The following SHE variants were observed in gnomAD, a reference collection of about 807,000 sequenced individuals.
SHE encodes SH2 domain-containing adapter protein E.
In SHE, 11 loss-of-function variants were observed where a neutral mutation model predicts 49.8. The ratio of observed to expected loss-of-function variants is 0.22; its 90% CI spans 0.14 to 0.37. SHE has a LOEUF of 0.37. Ranked by LOEUF, SHE falls within the 10% of genes least tolerant of loss-of-function variation. The pLI, the probability that SHE is intolerant of heterozygous loss-of-function variation, is 1.00. For missense variants in SHE, 624 were observed against 655.5 expected, an observed-to-expected ratio of 0.95 and a Z score of 0.52; for synonymous variants, 310 against 278.1, an observed-to-expected ratio of 1.11 and a Z score of -1.14.
chr1:154,501,441 C>G lies in SHE; in HGVS notation c.586G>C (p.Glu196Gln). The stretch of plus-strand genomic sequence containing the variant: ...AAGGGAGGCTGTATTCTTACCGTCT[C>G]TTGCTGCTTAATAATCTTGCCCTTG... ...LDKGKIIKQQ[E>Q]TVIILEDYAD... Residue 196 changes from glutamate to glutamine, a missense_variant, in exon 1 of 6, where the codon GAG becomes CAG. Transcript: ENST00000304760. The G allele has an allele frequency of 6.2e-7, 1 of 1,614,090 alleles. No individual in the cohort carries two copies. Among genetic ancestry groups the G allele is most frequent in the Non-Finnish European group, 8.5e-7 (1 of 1,179,972 alleles).
Position 154,501,426 on chromosome 1 carries a change from G to A in SHE, c.591+10C>T, listed in dbSNP as rs778323296. The A allele has an allele frequency of 3.7e-6, 6 of 1,613,322 alleles. No homozygotes were observed. Among genetic ancestry groups the A allele is most frequent in the South Asian group, 3.3e-5 (3 of 90,978 alleles). On this transcript the variant is annotated intron_variant, in intron 1 of 5. Transcript: ENST00000304760. ...ACTGAGAGGTGGTCCAAGGGAGGCT[G>A]TATTCTTACCGTCTCTTGCTGCTTA...
Position 154,481,307 on chromosome 1 carries a change from T to C in SHE, c.*2842A>G. 1.0e-6 allele frequency: 1 copy of C among 985,418 alleles called. No homozygotes were observed. The highest frequency in any genetic ancestry group is 1.2e-6 in the Non-Finnish European group (1 of 829,932). 61.0% of individuals were successfully genotyped at this position (985,418 alleles called of 1,614,324 possible). Reference sequence around the variant, plus strand: ...GCTCACTAACGCCCCCACCTCTGACTTCCCACTAATTTACTATATTTCTTC... The same window carrying C: ...GCTCACTAACGCCCCCACCTCTGACCTCCCACTAATTTACTATATTTCTTC... On this transcript the variant is annotated 3_prime_UTR_variant, in exon 6 of 6. Transcript: ENST00000304760.
intron 3 of SHE, 60 bp downstream of exon 3, chr1:154,488,991 C>T (rs1182711906): frequency 2.7e-6 from 4 of 1,502,648 alleles, no homozygotes; most frequent in Admixed American, 2.3e-5. Flanking sequence ...AAATGTGGGG[C>T]TGATGCGGTG....
In SHE at chr1:154,479,728, T is replaced by C. The variant is rs14021; in HGVS notation, c.*4421A>G. 0.15 allele frequency: 149,911 copies of C among 984,946 alleles called. 11,934 individuals are homozygous for C. Among genetic ancestry groups the C allele is most frequent in the South Asian group, 0.17 (3,651 of 21,274 alleles). The allele number at this position is 984,946 out of a possible 1,614,324, so 61.0% of individuals were successfully genotyped here. A position where few individuals can be genotyped will look rare whatever the true frequency, so the allele number is the denominator to read the frequency against. ...CCTGACAAACTGAACGGCTAAGAAC[T>C]TGACAAAATGAGACGCCTGTTTCAA... is the stretch of plus-strand genomic sequence containing the variant. On this transcript the variant is annotated 3_prime_UTR_variant, in exon 6 of 6. Transcript: ENST00000304760.
In SHE at chr1:154,483,197, C is replaced by A. The variant is rs1241918702; in HGVS notation, c.*952G>T. 15 of 985,210 alleles carry A rather than the reference C, an allele frequency of 1.5e-5. No individual in the cohort carries two copies. The Admixed American group carries it at 9.2e-4, about 61-fold the overall frequency. 61.0% of individuals were successfully genotyped at this position (985,210 alleles called of 1,614,324 possible). ...TATCTTCCTTCCTATTTATGCTTAT[C>A]TCACTGATTTGCTAAAAAATGAGAA... On this transcript the variant is annotated 3_prime_UTR_variant, in exon 6 of 6. Transcript: ENST00000304760.
chr1:154,475,415 G>C (rs1428626787), downstream of SHE, among the ~76,000 whole-genome samples: 1 of 152,108 alleles, frequency 6.6e-6, no homozygotes, highest in African/African-American at 2.4e-5. Context: ...CTGAACTCCC[G>C]ACCTCAGGTG....
Position 154,501,837 on chromosome 1 carries a change from T to TGCC in SHE, c.187_189dup (p.Gly63dup), listed in dbSNP as rs1485201463. The TGCC allele has an allele frequency of 1.2e-5, 18 of 1,544,268 alleles. No individual in the cohort carries two copies. Among genetic ancestry groups the TGCC allele is most frequent in the East Asian group, 4.9e-5 (2 of 40,980 alleles). ...CCCGCCTCCGAGTTCTTGCGCAATT[T>TGCC]GCCGCCGCCGCCCCCGGGCTTGGCC... On this transcript the variant is annotated inframe_insertion, in exon 1 of 6. Coordinates refer to ENST00000304760, the MANE Select transcript of SHE (RefSeq NM_001010846.3).
chr1:154,492,647 A>T (rs959277551), intron 2 of SHE, among the ~76,000 whole-genome samples: 1 of 152,030 alleles, frequency 6.6e-6, no homozygotes, highest in South Asian at 2.1e-4. Flanking sequence ...ACAAAAACAT[A>T]CTCTGTTCTT....
Position 154,479,520 on chromosome 1 carries a change from G to C in SHE, c.*4629C>G. ...TGTTTATTTAAAGTTACATTTCAGAGGAAACTATCTTCAGGAGGGCATGAA... is the reference window on the plus strand; with the variant it reads ...TGTTTATTTAAAGTTACATTTCAGACGAAACTATCTTCAGGAGGGCATGAA... On this transcript the variant is annotated 3_prime_UTR_variant, in exon 6 of 6. Coordinates refer to ENST00000304760, the MANE Select transcript of SHE (RefSeq NM_001010846.3). 1.0e-6 allele frequency: 1 copy of C among 985,310 alleles called. No individual in the cohort carries two copies. Among genetic ancestry groups the C allele is most frequent in the Non-Finnish European group, 1.2e-6 (1 of 829,860 alleles). The allele number at this position is 985,310 out of a possible 1,614,324, so 61.0% of individuals were successfully genotyped here.
downstream of SHE, among the ~76,000 whole-genome samples, chr1:154,474,995 G>A (rs934054433): frequency 2.0e-5 from 3 of 152,164 alleles, no homozygotes; most frequent in Admixed American, 6.5e-5. Flanking sequence ...CAGTATGCCT[G>A]GTCAGCCACA....
Position 154,486,071 on chromosome 1 carries a change from T to C in SHE, c.1182-9A>G. 1 of 1,608,782 alleles carries C rather than the reference T, an allele frequency of 6.2e-7. No individual in the cohort carries two copies. Among genetic ancestry groups the C allele is most frequent in the Non-Finnish European group, 8.5e-7 (1 of 1,175,902 alleles). ...TGGCACCATGATACCAGCTGAAAAA[T>C]GGGGGTGGAAGAGGGGAAAGCACCA... On this transcript the variant is annotated splice_polypyrimidine_tract_variant and intron_variant, in intron 4 of 5. Transcript: ENST00000304760.
Position 154,486,700 on chromosome 1 carries a change from A to G in SHE, c.1025-17T>C, listed in dbSNP as rs201410104. On this transcript the variant is annotated splice_polypyrimidine_tract_variant and intron_variant, in intron 3 of 5. Transcript: ENST00000304760. ...CAAACTGGACTGGAAGGAAGACTCCATTTAACATCACAGGCCACTGCGGTG... is the reference window on the plus strand; with the variant it reads ...CAAACTGGACTGGAAGGAAGACTCCGTTTAACATCACAGGCCACTGCGGTG... The G allele has an allele frequency of 8.6e-4, 1,392 of 1,613,496 alleles. 2 individuals carry two copies. The highest frequency in any genetic ancestry group is 1.0e-3 in the Non-Finnish European group (1,235 of 1,179,962).
intron 5 of SHE, 40 bp from the exon 6 acceptor site, chr1:154,484,375 A>G: frequency 1.9e-6 from 3 of 1,562,744 alleles, no homozygotes; most frequent in Non-Finnish European, 2.6e-6. Context: ...ATGAGTGGGC[A>G]GAGGATCCCT....
Position 154,483,120 on chromosome 1 carries a change from T to G in SHE, c.*1029A>C. 1 of 985,052 alleles carries G rather than the reference T, an allele frequency of 1.0e-6. No individual in the cohort carries two copies. The highest frequency in any genetic ancestry group is 1.2e-6 in the Non-Finnish European group (1 of 829,564). 61.0% of individuals were successfully genotyped at this position (985,052 alleles called of 1,614,324 possible). A position where few individuals can be genotyped will look rare whatever the true frequency, so the allele number is the denominator to read the frequency against. ...GTACCTTTTATTCTATAATTCAGAA[T>G]TCTAATAATGATGCCAATGCCTAAT... On this transcript the variant is annotated 3_prime_UTR_variant, in exon 6 of 6. Coordinates refer to ENST00000304760, the MANE Select transcript of SHE (RefSeq NM_001010846.3).
intron 1 of SHE, among the ~76,000 whole-genome samples, chr1:154,474,446 C>T (rs988110727): frequency 7.9e-5 from 12 of 152,182 alleles, no homozygotes; most frequent in African/African-American, 2.9e-4. Context: ...TGGTTTTTTC[C>T]TGTTGGTTCC....
rs1452230196 is a variant in SHE, at chr1:154,483,739, C to T, written c.*410G>A. 1.0e-6 allele frequency: 1 copy of T among 997,298 alleles called. No homozygotes were observed. The highest frequency in any genetic ancestry group is 1.2e-6 in the Non-Finnish European group (1 of 836,780). The allele number at this position is 997,298 out of a possible 1,614,324, so 61.8% of individuals were successfully genotyped here. A position where few individuals can be genotyped will look rare whatever the true frequency, so the allele number is the denominator to read the frequency against. On this transcript the variant is annotated 3_prime_UTR_variant, in exon 6 of 6. Coordinates refer to ENST00000304760, the MANE Select transcript of SHE (RefSeq NM_001010846.3). Reference sequence around the variant, plus strand: ...GGGTGCAGTGGCTCATGCCTGTAATCCAGGCACTCGGGGAGACTGAGGTGG... The same window carrying T: ...GGGTGCAGTGGCTCATGCCTGTAATTCAGGCACTCGGGGAGACTGAGGTGG...
At chr1:154,486,776 G>T in intron 3 of SHE, 93 bp from the exon 4 acceptor site, 1 of 1,442,842 alleles carries the variant, frequency 6.9e-7, no homozygotes. Flanking sequence ...CTTGGCTCAG[G>T]AAAGAAGCAT....
Position 154,482,268 on chromosome 1 carries a change from C to G in SHE, c.*1881G>C, listed in dbSNP as rs1692040685. 2.1e-6 allele frequency: 2 copies of G among 948,846 alleles called. No individual in the cohort carries two copies. Among genetic ancestry groups the G allele is most frequent in the Non-Finnish European group, 2.5e-6 (2 of 796,870 alleles). The allele number at this position is 948,846 out of a possible 1,614,324, so 58.8% of individuals were successfully genotyped here. ...ACCTCACGTGATCTGCCTGCCTCAG[C>G]CTCCCAAATTGTTGGGATTACGTGC... On this transcript the variant is annotated 3_prime_UTR_variant, in exon 6 of 6. Coordinates refer to ENST00000304760, the MANE Select transcript of SHE (RefSeq NM_001010846.3).
Position 154,480,642 on chromosome 1 carries a change from C to T in SHE, c.*3507G>A, listed in dbSNP as rs755833203. On this transcript the variant is annotated 3_prime_UTR_variant, in exon 6 of 6. Transcript: ENST00000304760. ...GACTTCCAACAGCAAAGAATAAAGG[C>T]TTTCTAAAATGCTTAAGAAAGTGCT... The T allele has an allele frequency of 6.1e-6, 6 of 985,286 alleles. No individual in the cohort carries two copies. Among genetic ancestry groups the T allele is most frequent in the Non-Finnish European group, 7.2e-6 (6 of 829,930 alleles). 61.0% of individuals were successfully genotyped at this position (985,286 alleles called of 1,614,324 possible).
Sources: allele counts gnomAD v4.1 joint callset (sites outside exome capture counted in the v4.1 genomes callset), GRCh38; gene constraint gnomAD v4.1.1; transcripts MANE v1.5; gene names NCBI Gene and HGNC (gene_info 2026-07-23, HGNC 2026-07-21).